The following NPAS2 variants were observed in gnomAD, a reference collection of about 807,000 sequenced individuals.
The protein encoded by NPAS2 is neuronal PAS domain protein 2, also known as neuronal PAS domain-containing protein 2.
NPAS2 carries 23 observed loss-of-function variants against 107.5 expected under a neutral mutation model. That is an observed-to-expected ratio of 0.21 (90% CI 0.15 to 0.30). NPAS2 has a LOEUF of 0.30. NPAS2 is among the 10% of genes least tolerant of loss of function. NPAS2 has a pLI of 1.00. For synonymous variants in NPAS2, 403 were observed against 417.5 expected (o/e 0.97, Z 0.42); for missense variants, 756 against 1,043.3 (o/e 0.72, Z 3.79).
Position 100,969,277 on chromosome 2 carries a change from C to T in NPAS2, c.1055+849C>T, listed in dbSNP as rs117951221. Among the ~76,000 whole-genome samples, 79 of 151,928 alleles carry T rather than the reference C, an allele frequency of 5.2e-4. No homozygotes were observed. The East Asian group carries it at 0.015, about 29-fold the overall frequency. On this transcript the variant is annotated intron_variant, in intron 11 of 20. Coordinates refer to ENST00000335681, the MANE Select transcript of NPAS2 (RefSeq NM_002518.4). ...GTGCCATGGTGCATGGTGCCATGCA[C>T]CTATCAACCCATCATTTAGGCTTTA...
At chr2:100,855,576 G>A (rs998705880) in intron 1 of NPAS2, among the ~76,000 whole-genome samples, 3 of 152,200 alleles carry the variant, frequency 2.0e-5, no homozygotes, top group Non-Finnish European at 4.4e-5. Context: ...CCACAATCCA[G>A]ATGTGAGAAA....
intron 2 of NPAS2, among the ~76,000 whole-genome samples, chr2:100,908,836 G>C (rs976979585): frequency 5.3e-5 from 8 of 152,166 alleles, no homozygotes; most frequent in Non-Finnish European, 1.2e-4. Context: ...TGCTGCCTTT[G>C]TTCATGAGAA....
chr2:100,885,535 G>A (rs936136949), intron 1 of NPAS2, among the ~76,000 whole-genome samples: 2 of 152,092 alleles, frequency 1.3e-5, no homozygotes, highest in Non-Finnish European at 2.9e-5. Context: ...GGTACTCTGG[G>A]AATTGAAAAC....
intron 1 of NPAS2, among the ~76,000 whole-genome samples, chr2:100,824,765 A>G (rs1203080731): frequency 1.3e-5 from 2 of 152,182 alleles, no homozygotes; most frequent in Non-Finnish European, 2.9e-5. Flanking sequence ...TTTTTAAAAT[A>G]TATTTTGGGA....
At chr2:100,979,480 C>CTACA (rs1553465743) in intron 15 of NPAS2, among the ~76,000 whole-genome samples, 1 of 64,808 alleles carries the variant, frequency 1.5e-5, no homozygotes, top group African/African-American at 7.9e-5. Flanking sequence ...TTAATAATAA[C>CTACA]TATATATATA....
intron 7 of NPAS2, among the ~76,000 whole-genome samples, chr2:100,952,997 C>T (rs563062857): frequency 6.6e-6 from 1 of 152,248 alleles, no homozygotes; most frequent in South Asian, 2.1e-4. Flanking sequence ...AAGAGTTCCC[C>T]ATGTAACTGT....
chr2:100,982,466 A>G (rs1354039779), intron 16 of NPAS2, 89 bp downstream of exon 16: 1 of 1,482,670 alleles, frequency 6.7e-7, no homozygotes, highest in Admixed American at 1.9e-5. Flanking sequence ...ACTTCCTCCC[A>G]AGCCCTGTGA....
rs371223862 is a variant in NPAS2, at chr2:100,959,435, C to T, written c.599-4623C>T. ...GGCAGTGCCCCTGCCAAGAAGTGGG[C>T]AGGATTATCACGGTGCTCTCCTAGG... On this transcript the variant is annotated intron_variant, in intron 7 of 20. Transcript: ENST00000335681. 2.0e-5 allele frequency among the ~76,000 whole-genome samples: 3 copies of T among 152,234 alleles called. No individual in the cohort carries two copies. The South Asian group carries it at 6.2e-4, about 32-fold the overall frequency.
intron 1 of NPAS2, among the ~76,000 whole-genome samples, chr2:100,901,296 T>G (rs1175086940): frequency 6.6e-6 from 1 of 151,882 alleles, no homozygotes; most frequent in Non-Finnish European, 1.5e-5. Context: ...TTGCTCAGGT[T>G]GTTCTGGGAA....
rs769457433 is a variant in NPAS2 at position 100,982,391 on chromosome 2, C to T, written c.1629+14C>T. 13 of 1,612,810 alleles carry T rather than the reference C, an allele frequency of 8.1e-6. No individual in the cohort carries two copies. Among genetic ancestry groups the T allele is most frequent in the Non-Finnish European group, 1.1e-5 (13 of 1,179,792 alleles). On this transcript the variant is annotated intron_variant, in intron 16 of 20. Transcript: ENST00000335681. Reference sequence around the variant, plus strand: ...TCCAACGTCCAGGTGATCCCCTTCCCGGGCTGGCCTCTGTCCCTGCTGCTG... The same window carrying T: ...TCCAACGTCCAGGTGATCCCCTTCCTGGGCTGGCCTCTGTCCCTGCTGCTG...
At chr2:100,904,831 C>G (rs1311583724) in intron 2 of NPAS2, 45 bp downstream of exon 2, 2 of 1,439,506 alleles carry the variant, frequency 1.4e-6, no homozygotes, top group East Asian at 2.3e-5. Flanking sequence ...CTCTGGCCCC[C>G]GGGGGTCTGC....
At chr2:100,882,842 T>C (rs1400680306) in intron 1 of NPAS2, among the ~76,000 whole-genome samples, 2 of 152,172 alleles carry the variant, frequency 1.3e-5, no homozygotes, top group Non-Finnish European at 2.9e-5. Context: ...ACTTTCTCTG[T>C]GGAAGACTTC....
At chr2:100,884,454 C>T (rs1040525464) in intron 1 of NPAS2, among the ~76,000 whole-genome samples, 1 of 152,208 alleles carries the variant, frequency 6.6e-6, no homozygotes, top group African/African-American at 2.4e-5. Context: ...ATCTCTGATA[C>T]GGACCAGTTC....
chr2:100,895,301 G>T (rs896358329), intron 1 of NPAS2, among the ~76,000 whole-genome samples: 5 of 152,160 alleles, frequency 3.3e-5, no homozygotes, highest in African/African-American at 1.2e-4. Flanking sequence ...CTGTGCTGGG[G>T]GCTTCCCTTG....
chr2:100,971,750 C>G (rs952853025), intron 12 of NPAS2, among the ~76,000 whole-genome samples: 2 of 152,074 alleles, frequency 1.3e-5, no homozygotes, highest in African/African-American at 4.8e-5. Context: ...CTCTTTGTCC[C>G]TGGTCCTGGT....
intron 1 of NPAS2, among the ~76,000 whole-genome samples, chr2:100,880,101 C>A (rs1680238404): frequency 6.6e-6 from 1 of 152,186 alleles, no homozygotes; most frequent in African/African-American, 2.4e-5. Flanking sequence ...TAAAAGAATT[C>A]TTTTGAAATA....
At chr2:100,831,699 G>A (rs143392101) in intron 1 of NPAS2, among the ~76,000 whole-genome samples, 98 of 152,098 alleles carry the variant, frequency 6.4e-4, no homozygotes, top group Middle Eastern at 3.4e-3. Context: ...CAACCAATTT[G>A]CATGGCAATT....
chr2:100,895,765 G>T (rs1681376401), intron 1 of NPAS2, among the ~76,000 whole-genome samples: 1 of 152,168 alleles, frequency 6.6e-6, no homozygotes, highest in Admixed American at 6.5e-5. Context: ...TAGTCCCTAG[G>T]GGTGGGGCAG....
At chr2:100,903,732 C>G (rs1460620831) in intron 1 of NPAS2, among the ~76,000 whole-genome samples, 1 of 152,154 alleles carries the variant, frequency 6.6e-6, no homozygotes, top group East Asian at 1.9e-4. Flanking sequence ...GCCACCGCAG[C>G]CTTCAGCCTC....
Sources: gnomAD v4.1 joint callset for allele counts (sites outside exome capture counted in the v4.1 genomes callset) on GRCh38, gnomAD v4.1.1 for gene constraint, MANE v1.5 for transcripts, NCBI Gene and HGNC (gene_info 2026-07-23, HGNC 2026-07-21) for gene names.